CDK5RAP2: variants seen among roughly 807,000 people sequenced by gnomAD.
The protein encoded by CDK5RAP2 is CDK5 regulatory subunit-associated protein 2.
In CDK5RAP2, 147 loss-of-function variants were observed where a neutral mutation model predicts 232.9. That is an observed-to-expected ratio of 0.63 (90% CI 0.55 to 0.72). CDK5RAP2 has a LOEUF of 0.72. Ranked by LOEUF, CDK5RAP2 falls within the 30% of genes least tolerant of loss-of-function variation. The probability of loss-of-function intolerance (pLI) is 0.00; values close to 1 mark genes in which losing one functional copy is unlikely to be tolerated. For synonymous variants in CDK5RAP2, 833 were observed against 833.7 expected, an observed-to-expected ratio of 1.00 and a Z score of 0.01; for missense variants, 2,195 against 2,231.5, an observed-to-expected ratio of 0.98 and a Z score of 0.33.
At chr9:120,516,746 T>C (rs112563954) in intron 12 of CDK5RAP2, among the ~76,000 whole-genome samples, 4,900 of 152,190 alleles carry the variant, frequency 0.032, 264 homozygotes, top group African/African-American at 0.11. Flanking sequence ...GTAGGATCCC[T>C]TGAGCCCAGG....
Position 120,518,588 on chromosome 9 carries a change from G to C in CDK5RAP2, c.1150C>G (p.Arg384Gly). 6.2e-7 allele frequency: 1 copy of C among 1,613,672 alleles called. No individual in the cohort carries two copies. Among genetic ancestry groups the C allele is most frequent in the Non-Finnish European group, 8.5e-7 (1 of 1,179,990 alleles). The change falls in exon 12 of 38, where the codon CGC (arginine) becomes GGC (glycine). Residue 384 changes from arginine (R) to glycine (G), a missense_variant. Coordinates refer to ENST00000349780, the MANE Select transcript of CDK5RAP2 (RefSeq NM_018249.6). ...GTACTCTTGGTGAGGTTTTGTGAGC[G>C]CAGCGCAGCCGAAAGGGCTTCCTTT... ...SGKEALSAAL[R>G]SQNLTKSTEN...
chr9:120,523,478 T>C (rs1204944825), intron 11 of CDK5RAP2, among the ~76,000 whole-genome samples: 2 of 152,194 alleles, frequency 1.3e-5, no homozygotes. Context: ...CATCAACCAC[T>C]GTCAAAACAG....
chr9:120,518,727 C>T (rs776415817), intron 11 of CDK5RAP2, 82 bp from the exon 12 acceptor site: 9 of 1,083,288 alleles, frequency 8.3e-6, no homozygotes, highest in African/African-American at 7.9e-5. Context: ...TCTTTTTCGC[C>T]GTGGGGGAAA....
Position 120,402,883 on chromosome 9 carries a change from C to T in CDK5RAP2, c.5230G>A (p.Gly1744Arg), listed in dbSNP as rs201889110. 1.3e-5 allele frequency: 21 copies of T among 1,614,128 alleles called. No individual in the cohort carries two copies. The highest frequency in any genetic ancestry group is 1.8e-5 in the Non-Finnish European group (21 of 1,180,024). ...TCCATTTCAGCAAGGAGCCTCTGTC[C>T]CTGGCTGATCTGTTTGAGCAGGGCC... The part of the protein sequence containing the change: ...YEALLKQISQ[G>R]QRLLAEMDIQ... Residue 1744 changes from glycine (G) to arginine (R), a missense_variant, in exon 34 of 38, where the codon GGA becomes AGA. Gly to Arg is a moderately radical substitution (Grantham distance 125). Coordinates refer to ENST00000349780, the MANE Select transcript of CDK5RAP2 (RefSeq NM_018249.6).
chr9:120,470,803 G>T (rs1377305860), intron 16 of CDK5RAP2, among the ~76,000 whole-genome samples: 1 of 151,352 alleles, frequency 6.6e-6, no homozygotes, highest in African/African-American at 2.4e-5. Context: ...AAGGGGAGAA[G>T]TGGGGGGCGG....
intron 3 of CDK5RAP2, among the ~76,000 whole-genome samples, chr9:120,565,555 A>G (rs1160613972): frequency 1.3e-5 from 2 of 152,154 alleles, no homozygotes; most frequent in Non-Finnish European, 2.9e-5. Flanking sequence ...TGCCTGCTTC[A>G]ATGGCCTCAC....
intron 23 of CDK5RAP2, among the ~76,000 whole-genome samples, chr9:120,442,739 G>A (rs1282687086): frequency 1.3e-5 from 2 of 152,190 alleles, no homozygotes; most frequent in Non-Finnish European, 2.9e-5. Context: ...GCCTGGTAGA[G>A]TAGCTTTCTC....
intron 10 of CDK5RAP2, among the ~76,000 whole-genome samples, chr9:120,525,714 T>C (rs904573652): frequency 2.6e-5 from 4 of 151,898 alleles, no homozygotes; most frequent in Non-Finnish European, 5.9e-5. Context: ...CTCCCCACGC[T>C]CAAGCAAGCC....
intron 25 of CDK5RAP2, among the ~76,000 whole-genome samples, chr9:120,431,883 C>T (rs2035304576): frequency 6.6e-6 from 1 of 152,210 alleles, no homozygotes; most frequent in Non-Finnish European, 1.5e-5. Context: ...GCTGCAACAC[C>T]AGTTCCTGAT....
intron 3 of CDK5RAP2, among the ~76,000 whole-genome samples, chr9:120,552,213 G>C (rs1248417670): frequency 6.6e-6 from 1 of 151,908 alleles, no homozygotes; most frequent in Non-Finnish European, 1.5e-5. Context: ...GAGAGGATGT[G>C]GAGAAATAGG....
chr9:120,483,872 T>A (rs2131597311), intron 14 of CDK5RAP2, among the ~76,000 whole-genome samples: 1 of 152,320 alleles, frequency 6.6e-6, no homozygotes, highest in Middle Eastern at 3.4e-3. Context: ...GCTTAATGGA[T>A]CACTTCTTGG....
At chr9:120,554,349 A>C (rs1278077135) in intron 3 of CDK5RAP2, among the ~76,000 whole-genome samples, 1 of 152,234 alleles carries the variant, frequency 6.6e-6, no homozygotes, top group African/African-American at 2.4e-5. Flanking sequence ...TACTAAATGC[A>C]GTGTGTCTGT....
chr9:120,427,434 G>C (rs970963206), intron 25 of CDK5RAP2, among the ~76,000 whole-genome samples: 2 of 152,166 alleles, frequency 1.3e-5, no homozygotes, highest in African/African-American at 4.8e-5. Flanking sequence ...CTCCCCCATA[G>C]AGGAAATCTG....
intron 2 of CDK5RAP2, 64 bp from the exon 3 acceptor site, chr9:120,568,452 G>T: frequency 8.8e-7 from 1 of 1,138,584 alleles, no homozygotes; most frequent in Non-Finnish European, 1.3e-6. Context: ...TCCTATTGGG[G>T]AATAGAGCAC....
At chr9:120,567,661 A>G (rs991744161) in intron 3 of CDK5RAP2, among the ~76,000 whole-genome samples, 1 of 152,248 alleles carries the variant, frequency 6.6e-6, no homozygotes, top group Non-Finnish European at 1.5e-5. Flanking sequence ...AGCCAAATCC[A>G]TCACCAAGTA....
chr9:120,391,105 C>T (rs949209957), intron 36 of CDK5RAP2, among the ~76,000 whole-genome samples: 51 of 152,098 alleles, frequency 3.4e-4, no homozygotes, highest in African/African-American at 1.2e-3. Context: ...TCTGGACGTC[C>T]GCATTTTTCC....
chr9:120,470,157 T>A lies in CDK5RAP2; in HGVS notation c.1922A>T (p.Asn641Ile), dbSNP rs144072765. The A allele has an allele frequency of 3.1e-6, 5 of 1,597,544 alleles. No individual in the cohort carries two copies. The highest frequency in any genetic ancestry group is 4.3e-6 in the Non-Finnish European group (5 of 1,166,284). The change falls in exon 17 of 38, where the codon AAT becomes ATT. Residue 641 changes from asparagine (N) to isoleucine (I), a missense_variant. Transcript: ENST00000349780. ...SYLSICLEEN[N>I]RFQVEHFSQE... is the part of the protein sequence containing the mutation. ...AGAAAAATGTTCCACTTGAAACCGA[T>A]TGTTTTCTTCAAGGCAAATACTTAG...
chr9:120,420,277 T>A (rs2034488389), intron 26 of CDK5RAP2, among the ~76,000 whole-genome samples: 1 of 152,142 alleles, frequency 6.6e-6, no homozygotes, highest in Admixed American at 6.5e-5. Context: ...TACCAAGCAT[T>A]TGAGATTTTA....
chr9:120,472,157 G>A (rs1319944134), intron 15 of CDK5RAP2, among the ~76,000 whole-genome samples: 1 of 152,136 alleles, frequency 6.6e-6, no homozygotes, highest in African/African-American at 2.4e-5. Flanking sequence ...GACATACAAT[G>A]CTGATATGCA....
Sources: gnomAD v4.1 joint callset for allele counts (sites outside exome capture counted in the v4.1 genomes callset) on GRCh38, gnomAD v4.1.1 for gene constraint, MANE v1.5 for transcripts, NCBI Gene and HGNC (gene_info 2026-07-23, HGNC 2026-07-21) for gene names.